ANKRD11: variants seen among roughly 807,000 people sequenced by gnomAD.
ANKRD11 encodes the protein ankyrin repeat domain-containing protein 11.
Under a neutral mutation model 195.7 loss-of-function variants are expected in ANKRD11, and 17 were observed. The observed-to-expected ratio is 0.09, with a 90% CI of 0.06 to 0.13. The LOEUF (loss-of-function observed/expected upper bound fraction) is 0.13, where lower values mean the gene tolerates loss of function less well. Among genes scored for constraint, ANKRD11 ranks in the 10% least tolerant of loss-of-function variants. The pLI, the probability that ANKRD11 is intolerant of heterozygous loss-of-function variation, is 1.00. For missense variants in ANKRD11, 3,735 were observed against 3,566.1 expected, an observed-to-expected ratio of 1.05 and a Z score of -1.21; for synonymous variants, 1,953 against 1,528.1, an observed-to-expected ratio of 1.28 and a Z score of -6.49.
chr16:89,333,041 A>C (rs1247838145), intron 2 of ANKRD11, among the ~76,000 whole-genome samples: 1 of 152,018 alleles, frequency 6.6e-6, no homozygotes, highest in East Asian at 1.9e-4. Context: ...GTGACAGGGA[A>C]CCCCCAGGGA....
chr16:89,408,992 C>A (rs962361476), intron 2 of ANKRD11, among the ~76,000 whole-genome samples: 4 of 152,132 alleles, frequency 2.6e-5, no homozygotes, highest in African/African-American at 9.7e-5. Context: ...AAGGCGGCCC[C>A]AACCCTGCCT....
At chr16:89,414,261 A>C (rs1433253162) in intron 2 of ANKRD11, among the ~76,000 whole-genome samples, 1 of 152,246 alleles carries the variant, frequency 6.6e-6, no homozygotes, top group Non-Finnish European at 1.5e-5. Flanking sequence ...TGTTATCATT[A>C]ACAAACCACT....
intron 1 of ANKRD11, among the ~76,000 whole-genome samples, chr16:89,439,900 G>A (rs547174752): frequency 5.3e-5 from 8 of 152,322 alleles, no homozygotes; most frequent in East Asian, 1.9e-4. Flanking sequence ...GGCGGCCTCC[G>A]GAGAAGTCAA....
intron 2 of ANKRD11, chr16:89,340,119 G>A (rs1335096591): frequency 6.6e-6 from 1 of 152,158 alleles, no homozygotes; most frequent in Admixed American, 6.5e-5. Context: ...GTATTTGTCT[G>A]TTTCTTTACA....
chr16:89,452,075 A>C (rs2044101768), intron 1 of ANKRD11, among the ~76,000 whole-genome samples: 1 of 152,098 alleles, frequency 6.6e-6, no homozygotes, highest in Non-Finnish European at 1.5e-5. Context: ...CCTGGACAAC[A>C]CGGTGAAACC....
intron 2 of ANKRD11, among the ~76,000 whole-genome samples, chr16:89,404,144 A>G (rs1468836705): frequency 1.3e-5 from 2 of 152,184 alleles, no homozygotes; most frequent in African/African-American, 2.4e-5. Context: ...CAGCACCAAC[A>G]GACAGTCATG....
intron 1 of ANKRD11, among the ~76,000 whole-genome samples, chr16:89,427,218 A>AACTTGCACCC (rs1223629721): frequency 6.6e-6 from 1 of 152,240 alleles, no homozygotes; most frequent in Admixed American, 6.5e-5. Context: ...AGAAGTGTAA[A>AACTTGCACCC]ACTTGCACCC....
intron 1 of ANKRD11, among the ~76,000 whole-genome samples, chr16:89,467,256 A>G (rs2056916473): frequency 1.0e-5 from 1 of 100,090 alleles, no homozygotes; most frequent in African/African-American, 4.2e-5. Flanking sequence ...ACATGGCTAA[A>G]CCCCATCTCT....
At chr16:89,296,716 G>C (rs1597507139) in intron 4 of ANKRD11, among the ~76,000 whole-genome samples, 1 of 152,208 alleles carries the variant, frequency 6.6e-6, no homozygotes, top group Non-Finnish European at 1.5e-5. Context: ...TTCCAACCAG[G>C]CTCTTCGTCT....
chr16:89,317,134 C>A, intron 2 of ANKRD11, 56 bp from the exon 3 acceptor site: 1 of 1,124,350 alleles, frequency 8.9e-7, no homozygotes, highest in Non-Finnish European at 1.3e-6. Flanking sequence ...AAAACTCATC[C>A]ACTCTCACAC....
At chr16:89,405,490 C>A (rs1025540890) in intron 2 of ANKRD11, among the ~76,000 whole-genome samples, 3 of 141,064 alleles carry the variant, frequency 2.1e-5, no homozygotes, top group Non-Finnish European at 4.5e-5. Context: ...ACACCTGGCT[C>A]ATTTTTTTTT....
intron 2 of ANKRD11, among the ~76,000 whole-genome samples, chr16:89,330,479 T>A (rs1728454662): frequency 6.6e-6 from 1 of 151,932 alleles, no homozygotes. Context: ...TGCGGATGTG[T>A]GGACATGTCC....
At chr16:89,463,948 C>T (rs1217138611) in intron 1 of ANKRD11, among the ~76,000 whole-genome samples, 1 of 152,182 alleles carries the variant, frequency 6.6e-6, no homozygotes, top group Non-Finnish European at 1.5e-5. Flanking sequence ...TATTAGACCA[C>T]AACGCTAACG....
At chr16:89,297,803 T>C (rs748713820) in intron 4 of ANKRD11, 1 of 152,236 alleles carries the variant, frequency 6.6e-6, no homozygotes, top group Non-Finnish European at 1.5e-5. Flanking sequence ...TTCTGCCTTC[T>C]TTCTGTCAGT....
rs769926682 is a variant in ANKRD11 at position 89,282,160 on chromosome 16, T to C, written c.4382A>G (p.Lys1461Arg). The change falls in exon 9 of 13, where the codon AAG becomes AGG. Residue 1461 changes from lysine to arginine, a missense_variant. Coordinates refer to ENST00000301030, the MANE Select transcript of ANKRD11 (RefSeq NM_013275.6). ...CCATTTCTCCCTGTGTTTCTCTCTC[T>C]TCTTCTTCTCTTTTAGGATGTTGAT... is the stretch of plus-strand genomic sequence containing the variant. ...SAINILKEKK[K>R]REKHREKWRD... is the part of the protein sequence containing the mutation. 4.9e-5 allele frequency: 79 copies of C among 1,613,934 alleles called. No individual in the cohort carries two copies. The highest frequency in any genetic ancestry group is 6.7e-5 in the Admixed American group (4 of 60,018).
At chr16:89,455,635 G>A (rs1409640583) in intron 1 of ANKRD11, among the ~76,000 whole-genome samples, 2 of 152,016 alleles carry the variant, frequency 1.3e-5, no homozygotes, top group African/African-American at 2.4e-5. Context: ...AAAGCTGCTC[G>A]ATTTGGGCAG....
Position 89,280,671 on chromosome 16 carries a change from C to T in ANKRD11, c.5871G>A (p.Ala1957=), listed in dbSNP as rs143712083. The change falls in exon 9 of 13, where the codon GCG becomes GCA. Residue 1957 remains alanine (A), a synonymous_variant. Transcript: ENST00000301030. ...TGCCCCCGATCAGGCTAGAGGCAAG[C>T]GCCTGCTCGGAGGGGTGGGCCCACT... The part of the protein sequence containing the change: ...PVEWAHPSEQ[A]LASSLIGGTS... The T allele has an allele frequency of 6.2e-6, 10 of 1,613,270 alleles. No homozygotes were observed. The highest frequency in any genetic ancestry group is 1.7e-5 in the Admixed American group (1 of 60,002).
chr16:89,377,986 T>C (rs958415996), intron 2 of ANKRD11, among the ~76,000 whole-genome samples: 1 of 152,252 alleles, frequency 6.6e-6, no homozygotes, highest in East Asian at 1.9e-4. Context: ...CTCTTCCTTA[T>C]GATTTTCTTA....
chr16:89,472,112 G>A (rs2057104943), intron 1 of ANKRD11, among the ~76,000 whole-genome samples: 1 of 152,134 alleles, frequency 6.6e-6, no homozygotes, highest in Admixed American at 6.5e-5. Flanking sequence ...ACCTAATTCC[G>A]ACCAAGCTTT....
Sources: gnomAD v4.1 joint callset for allele counts (sites outside exome capture counted in the v4.1 genomes callset) on GRCh38, gnomAD v4.1.1 for gene constraint, MANE v1.5 for transcripts, NCBI Gene and HGNC (gene_info 2026-07-23, HGNC 2026-07-21) for gene names.